The following SYNE4 variants were observed in gnomAD, a reference collection of about 807,000 sequenced individuals.
SYNE4 encodes the protein nesprin-4.
A neutral mutation model predicts 46.9 loss-of-function variants in SYNE4; 41 were observed. The ratio of observed to expected loss-of-function variants is 0.87; its 90% CI spans 0.68 to 1.13. The LOEUF (loss-of-function observed/expected upper bound fraction) is 1.13. SYNE4 is among the 50% of genes most tolerant of loss of function. SYNE4 has a pLI of 0.00. For synonymous variants in SYNE4, 221 were observed against 219.5 expected, an observed-to-expected ratio of 1.01 and a Z score of -0.06; for missense variants, 492 against 514.8, an observed-to-expected ratio of 0.96 and a Z score of 0.43.
rs774658854 is a variant in SYNE4, at chr19:36,005,297, T to G, written c.972+36A>C. On this transcript the variant is annotated intron_variant, in intron 6 of 7. Coordinates refer to ENST00000324444, the MANE Select transcript of SYNE4 (RefSeq NM_001039876.3). ...GGGTTTCTGTCACTTGCCATCAAGA[T>G]TCCTGAGTGCTACACCTGGTTGAGA... 21 of 1,599,448 alleles carry G rather than the reference T, an allele frequency of 1.3e-5. No homozygotes were observed. In the African/African-American group the frequency reaches 2.3e-4, roughly 17 times the overall value.
intron 2 of SYNE4, chr19:36,007,514 G>A (rs113152000): frequency 5.2e-5 from 51 of 982,392 alleles, no homozygotes; most frequent in Non-Finnish European, 5.2e-5. Context: ...TGTGAGGCCT[G>A]GGGGGTCTGG....
intron 6 of SYNE4, among the ~76,000 whole-genome samples, chr19:36,004,311 C>T (rs746905116): frequency 2.0e-5 from 3 of 152,222 alleles, no homozygotes; most frequent in Non-Finnish European, 4.4e-5. Context: ...GCGTGAACCA[C>T]GGTGCCCAGC....
chr19:36,007,822 G>A (rs919485179), intron 2 of SYNE4, among the ~76,000 whole-genome samples: 15 of 151,790 alleles, frequency 9.9e-5, no homozygotes, highest in Admixed American at 1.3e-4. Context: ...TCGGGAGTTC[G>A]AGACTAGCCT....
rs762509134 is a variant in SYNE4 at position 36,003,321 on chromosome 19, C to T, written c.*16G>A. 2 of 1,613,734 alleles carry T rather than the reference C, an allele frequency of 1.2e-6. No homozygotes were observed. Among genetic ancestry groups the T allele is most frequent in the Admixed American group, 3.3e-5 (2 of 59,920 alleles). On this transcript the variant is annotated 3_prime_UTR_variant, in exon 8 of 8. Transcript: ENST00000324444. ...ATCTTCACACATCCTTTGACAGTGACCATTTATTACACACATCAGACTGGG... is the reference window on the plus strand; with the variant it reads ...ATCTTCACACATCCTTTGACAGTGATCATTTATTACACACATCAGACTGGG...
chr19:36,005,203 G>T, intron 6 of SYNE4, 130 bp downstream of exon 6: 1 of 964,382 alleles, frequency 1.0e-6, no homozygotes, highest in Non-Finnish European at 1.5e-6. Flanking sequence ...GAATTCAACA[G>T]TGCCTGGACC....
chr19:36,005,087 C>T (rs150547059), intron 6 of SYNE4, among the ~76,000 whole-genome samples: 2,710 of 151,908 alleles, frequency 0.018, 42 homozygotes, highest in Non-Finnish European at 0.028. Flanking sequence ...AGGCTGGTCT[C>T]GTACTCCTGA....
intron 6 of SYNE4, chr19:36,003,905 G>T (rs1976761172): frequency 5.7e-6 from 1 of 174,734 alleles, no homozygotes. Flanking sequence ...TAGTAGAGAT[G>T]GAGTTTCACC....
chr19:36,005,716 C>A, intron 5 of SYNE4: 1 of 358,556 alleles, frequency 2.8e-6, no homozygotes, highest in Non-Finnish European at 5.3e-6. Context: ...GGAGAGAGAC[C>A]ATAAATTAAT....
At chr19:36,004,162 C>T (rs1472662333) in intron 6 of SYNE4, among the ~76,000 whole-genome samples, 1 of 152,180 alleles carries the variant, frequency 6.6e-6, no homozygotes, top group African/African-American at 2.4e-5. Flanking sequence ...GCACATGCCA[C>T]TGCAACCATT....
At position 36,005,242 on chromosome 19, in the gene SYNE4, C is replaced by A; in HGVS notation, c.972+91G>T. ...CCATTACTTTTTTTTTTTTTAATAG[C>A]ATTCCCTTTCTTGTGCCTTTTGATT... On this transcript the variant is annotated intron_variant, in intron 6 of 7. Transcript: ENST00000324444. 6 of 1,281,642 alleles carry A rather than the reference C, an allele frequency of 4.7e-6. No homozygotes were observed. The South Asian group carries it at 5.2e-5, about 11-fold the overall frequency. The allele number at this position is 1,281,642 out of a possible 1,614,324, so 79.4% of individuals were successfully genotyped here.
At chr19:36,007,575 G>T (rs1393628027) in intron 2 of SYNE4, 21 of 985,246 alleles carry the variant, frequency 2.1e-5, no homozygotes, top group Non-Finnish European at 2.5e-5. Flanking sequence ...TACACCAGGA[G>T]CAATGATGAA....
intron 1 of SYNE4, 62 bp downstream of exon 1, chr19:36,008,472 CCATGGCACCTCCTACCCTCA>C: frequency 6.2e-7 from 1 of 1,605,702 alleles, no homozygotes; most frequent in Non-Finnish European, 8.5e-7. Flanking sequence ...GCGATCACAG[CCATGGCACCTCCTACCCTCA>C]CATGGCCCCT....
At position 36,006,683 on chromosome 19, in the gene SYNE4, G is replaced by A; in HGVS notation, c.619-12C>T. On this transcript the variant is annotated splice_polypyrimidine_tract_variant and intron_variant, in intron 4 of 7. Coordinates refer to ENST00000324444, the MANE Select transcript of SYNE4 (RefSeq NM_001039876.3). ...GCCTCCTCGAACACCTGGGTCAAAG[G>A]ACAGAGGTCATGGAGGCTATGAGGT... 6.3e-7 allele frequency: 1 copy of A among 1,594,386 alleles called. No individual in the cohort carries two copies. Among genetic ancestry groups the A allele is most frequent in the Non-Finnish European group, 8.6e-7 (1 of 1,168,266 alleles).
intron 6 of SYNE4, among the ~76,000 whole-genome samples, chr19:36,005,092 T>C (rs1161637181): frequency 6.6e-6 from 1 of 152,038 alleles, no homozygotes; most frequent in African/African-American, 2.4e-5. Flanking sequence ...GGTCTCGTAC[T>C]CCTGACCTCA....
rs764495785 is a variant in SYNE4, at chr19:36,008,710, G to A, written c.-29C>T. The A allele has an allele frequency of 1.3e-6, 2 of 1,591,586 alleles. No individual in the cohort carries two copies. The highest frequency in any genetic ancestry group is 1.7e-6 in the Non-Finnish European group (2 of 1,169,704). On this transcript the variant is annotated 5_prime_UTR_variant, in exon 1 of 8. Coordinates refer to ENST00000324444, the MANE Select transcript of SYNE4 (RefSeq NM_001039876.3). ...TGGGGGCCTGGGGACACAAAGTCAG[G>A]TGAGGGCAGCCAGTAAGACCTCTTC... is the stretch of plus-strand genomic sequence containing the variant.
chr19:36,004,617 C>T (rs1976784949), intron 6 of SYNE4, among the ~76,000 whole-genome samples: 1 of 152,212 alleles, frequency 6.6e-6, no homozygotes, highest in Admixed American at 6.5e-5. Context: ...GTGACCCAGA[C>T]CTGGCCAATC....
In SYNE4 at chr19:36,004,318, C is replaced by T. The variant is rs369780172; in HGVS notation, c.973-647G>A. On this transcript the variant is annotated intron_variant, in intron 6 of 7. Coordinates refer to ENST00000324444, the MANE Select transcript of SYNE4 (RefSeq NM_001039876.3). Reference sequence around the variant, plus strand: ...GATCACAGGCGTGAACCACGGTGCCCAGCCACAAGTGACACTTTGTGTCAC... The same window carrying T: ...GATCACAGGCGTGAACCACGGTGCCTAGCCACAAGTGACACTTTGTGTCAC... Among the ~76,000 whole-genome samples the T allele has an allele frequency of 4.3e-4, 66 of 152,284 alleles. No individual in the cohort carries two copies. The South Asian group carries it at 7.2e-3, about 17-fold the overall frequency.
intron 2 of SYNE4, chr19:36,007,569 C>G: frequency 1.0e-6 from 1 of 985,302 alleles, no homozygotes; most frequent in Non-Finnish European, 1.2e-6. Flanking sequence ...TGGGGCTACA[C>G]CAGGAGCAAT....
rs754251259 is a variant in SYNE4, at chr19:36,007,136, C to A, written c.412G>T (p.Val138Leu). 3 of 1,598,708 alleles carry A rather than the reference C, an allele frequency of 1.9e-6. No individual in the cohort carries two copies. Among genetic ancestry groups the A allele is most frequent in the Non-Finnish European group, 2.6e-6 (3 of 1,173,160 alleles). ...GHWALAQSGM[V>L]QLQALQVDLR... is the part of the protein sequence containing the mutation. ...CCTCTCCTGCCTACCTGCAGCTGCACCATCCCACTCTGGGCCAATGCCCAG... is the reference window on the plus strand; with the variant it reads ...CCTCTCCTGCCTACCTGCAGCTGCAACATCCCACTCTGGGCCAATGCCCAG... Residue 138 changes from valine (V) to leucine (L), a missense_variant, in exon 3 of 8, where the codon GTG becomes TTG. Coordinates refer to ENST00000324444, the MANE Select transcript of SYNE4 (RefSeq NM_001039876.3).
Sources: allele counts gnomAD v4.1 joint callset (sites outside exome capture counted in the v4.1 genomes callset), GRCh38; gene constraint gnomAD v4.1.1; transcripts MANE v1.5; gene names NCBI Gene and HGNC (gene_info 2026-07-23, HGNC 2026-07-21).